The following SGIP1 variants were observed in gnomAD, a reference collection of about 807,000 sequenced individuals.
SGIP1 encodes SH3-containing GRB2-like protein 3-interacting protein 1.
SGIP1 carries 38 observed loss-of-function variants against 107.5 expected under a neutral mutation model. That is an observed-to-expected ratio of 0.35 (90% CI 0.27 to 0.46). SGIP1 has a LOEUF of 0.46. Ranked by LOEUF, SGIP1 falls within the 20% of genes least tolerant of loss-of-function variation. The pLI is 1.00. For synonymous variants in SGIP1, 365 were observed against 366.1 expected, an observed-to-expected ratio of 1.00 and a Z score of 0.03; for missense variants, 929 against 1,019.5, an observed-to-expected ratio of 0.91 and a Z score of 1.21.
chr1:66,644,099 C>A (rs967395720), intron 7 of SGIP1: 7 of 153,532 alleles, frequency 4.6e-5, no homozygotes, highest in African/African-American at 1.2e-4. Flanking sequence ...ATCTTAGTTT[C>A]CTTTTTTATG....
chr1:66,742,938 T>A, intron 24 of SGIP1, 135 bp from the exon 25 acceptor site: 1 of 800,710 alleles, frequency 1.2e-6, no homozygotes, highest in East Asian at 2.7e-5. Flanking sequence ...ATGTATCTTT[T>A]ATTCGTATTG....
intron 9 of SGIP1, 92 bp downstream of exon 9, chr1:66,667,633 A>G (rs1028082645): frequency 1.4e-5 from 16 of 1,150,648 alleles, no homozygotes; most frequent in Non-Finnish European, 2.1e-5. Flanking sequence ...TAAATTTATG[A>G]TAACCCAGTG....
At chr1:66,550,367 A>C (rs1472619048) in intron 1 of SGIP1, among the ~76,000 whole-genome samples, 2 of 152,048 alleles carry the variant, frequency 1.3e-5, no homozygotes, top group Non-Finnish European at 2.9e-5. Flanking sequence ...GTTTCTCATA[A>C]CTGGCTTTAG....
chr1:66,646,222 G>C (rs918692421), intron 7 of SGIP1, among the ~76,000 whole-genome samples: 11 of 152,050 alleles, frequency 7.2e-5, no homozygotes, highest in Non-Finnish European at 1.5e-5. Context: ...AATCCAGCTG[G>C]TGCCATGATC....
chr1:66,660,220 A>AGG (rs2081166493), intron 7 of SGIP1: 1 of 286,108 alleles, frequency 3.5e-6, no homozygotes, highest in African/African-American at 3.6e-5. Flanking sequence ...AGAAAGAGAA[A>AGG]GAAAGAAAGA....
intron 2 of SGIP1, among the ~76,000 whole-genome samples, chr1:66,631,121 G>A (rs995500549): frequency 4.6e-5 from 7 of 151,450 alleles, no homozygotes; most frequent in African/African-American, 1.7e-4. Context: ...GACTGACTCA[G>A]TATATAGATA....
At chr1:66,708,795 C>T (rs2092704525) in intron 18 of SGIP1, among the ~76,000 whole-genome samples, 1 of 151,986 alleles carries the variant, frequency 6.6e-6, no homozygotes, top group South Asian at 2.1e-4. Flanking sequence ...AATATATATG[C>T]ACATGACATA....
intron 1 of SGIP1, among the ~76,000 whole-genome samples, chr1:66,540,448 T>C (rs1035113955): frequency 6.6e-6 from 1 of 152,228 alleles, no homozygotes; most frequent in Non-Finnish European, 1.5e-5. Context: ...TTCTCTACTT[T>C]TCTCATTCTT....
intron 1 of SGIP1, among the ~76,000 whole-genome samples, chr1:66,550,696 A>T (rs909609242): frequency 2.0e-5 from 3 of 152,254 alleles, no homozygotes; most frequent in Non-Finnish European, 1.5e-5. Flanking sequence ...ATAAACATTT[A>T]TCTCATTTAA....
Position 66,749,767 on chromosome 1 carries a change from G to A in SGIP1, c.*6672G>A, listed in dbSNP as rs989635959. 6.6e-6 allele frequency among the ~76,000 whole-genome samples: 1 copy of A among 151,890 alleles called. No individual in the cohort carries two copies. The highest frequency in any genetic ancestry group is 2.4e-5 in the African/African-American group (1 of 41,358). ...TTTTATGAATTTTTTTTCTCGCAAA[G>A]TAAATGCTTGATGTTATTCATTCAC... On this transcript the variant is annotated 3_prime_UTR_variant, in exon 25 of 25. Transcript: ENST00000371037.
Position 66,733,834 on chromosome 1 carries a change from A to G in SGIP1, c.1985A>G (p.Gln662Arg), listed in dbSNP as rs762610173. The stretch of plus-strand genomic sequence containing the variant: ...ACTCACCTAAAGAAAGTGTCTGAAC[A>G]AAAACCCCAGGCTACATATTATAAC... ...LMTHLKKVSE[Q>R]KPQATYYNVD... is the part of the protein sequence containing the mutation. Residue 662 changes from glutamine (Q) to arginine (R), a missense_variant, in exon 21 of 25, where the codon CAA (glutamine) becomes CGA (arginine). By Grantham distance (43) the Gln-to-Arg change is conservative. This residue lies in a region of SGIP1 where 341 missense variants were observed against 430.9 expected (regional missense o/e 0.79). Coordinates refer to ENST00000371037, the MANE Select transcript of SGIP1 (RefSeq NM_032291.4). 19 of 1,613,492 alleles carry G rather than the reference A, an allele frequency of 1.2e-5. No individual in the cohort carries two copies. Among genetic ancestry groups the G allele is most frequent in the Non-Finnish European group, 1.5e-5 (18 of 1,179,734 alleles).
At chr1:66,639,734 T>C in intron 4 of SGIP1, 43 bp from the exon 5 acceptor site, 1 of 1,475,932 alleles carries the variant, frequency 6.8e-7, no homozygotes, top group Non-Finnish European at 9.5e-7. Context: ...TTTGTTTTTA[T>C]TCAAATGTTT....
intron 4 of SGIP1, among the ~76,000 whole-genome samples, chr1:66,638,344 G>A (rs1432874557): frequency 6.6e-6 from 1 of 152,138 alleles, no homozygotes; most frequent in Non-Finnish European, 1.5e-5. Context: ...GGCAGAGTTC[G>A]TATGACAGGT....
intron 19 of SGIP1, among the ~76,000 whole-genome samples, chr1:66,724,932 C>G (rs2093690205): frequency 2.0e-5 from 3 of 152,140 alleles, no homozygotes; most frequent in African/African-American, 7.2e-5. Context: ...TAATTGTTTT[C>G]TAATAGCTGC....
intron 3 of SGIP1, 66 bp downstream of exon 3, chr1:66,633,160 A>C: frequency 4.7e-5 from 53 of 1,118,712 alleles, no homozygotes; most frequent in Non-Finnish European, 6.4e-5. Flanking sequence ...TAAATTTCTC[A>C]AAGCCCTTTT....
At chr1:66,727,456 C>T (rs1390953325) in intron 19 of SGIP1, among the ~76,000 whole-genome samples, 1 of 152,176 alleles carries the variant, frequency 6.6e-6, no homozygotes, top group Non-Finnish European at 1.5e-5. Context: ...CTGTATTTTC[C>T]ACTTTAGAAA....
Position 66,741,257 on chromosome 1 carries a change from T to C in SGIP1, c.2300-15T>C. On this transcript the variant is annotated splice_polypyrimidine_tract_variant and intron_variant, in intron 23 of 24. Coordinates refer to ENST00000371037, the MANE Select transcript of SGIP1 (RefSeq NM_032291.4). ...TATGTTGACTGTTACCTTGTAATAA[T>C]GTGTTTTTTTTTAGGGGTGGGTTCT... The C allele has an allele frequency of 6.4e-7, 1 of 1,565,918 alleles. No homozygotes were observed. The highest frequency in any genetic ancestry group is 2.3e-5 in the East Asian group (1 of 43,806).
chr1:66,645,304 T>C (rs1219182861), intron 7 of SGIP1, among the ~76,000 whole-genome samples: 1 of 152,230 alleles, frequency 6.6e-6, no homozygotes, highest in Non-Finnish European at 1.5e-5. Flanking sequence ...AGATTCCCTC[T>C]TTTGAATGGA....
chr1:66,625,746 C>T (rs1032812528), intron 1 of SGIP1, 101 bp from the exon 2 acceptor site: 98 of 986,680 alleles, frequency 9.9e-5, no homozygotes, highest in Non-Finnish European at 1.3e-4. Flanking sequence ...AACTTCATTG[C>T]TTTCTAAACA....
Sources: allele counts gnomAD v4.1 joint callset (sites outside exome capture counted in the v4.1 genomes callset), GRCh38; gene constraint gnomAD v4.1.1; regional missense constraint gnomAD v4.1.1; transcripts MANE v1.5; gene names NCBI Gene and HGNC (gene_info 2026-07-23, HGNC 2026-07-21).